ZNF236: variants seen among roughly 807,000 people sequenced by gnomAD.
ZNF236 encodes regulated by glucose.
A neutral mutation model predicts 191.2 loss-of-function variants in ZNF236; 50 were observed. The ratio of observed to expected loss-of-function variants is 0.26; its 90% confidence interval spans 0.21 to 0.33. ZNF236 has a LOEUF of 0.33. Among genes scored for constraint, ZNF236 ranks in the 10% least tolerant of loss-of-function variants. The pLI is 1.00. For synonymous variants in ZNF236, 907 were observed against 928.8 expected (o/e 0.98, Z 0.43); for missense variants, 1,754 against 2,374.5 (o/e 0.74, Z 5.43).
chr18:76,908,581 T>G lies in ZNF236; in HGVS notation c.2551+8T>G. The G allele has an allele frequency of 1.3e-6, 2 of 1,593,520 alleles. No individual in the cohort carries two copies. ...CCCTGGAAGCAGATGAAGGTAAATG[T>G]TTCAGGATATTTAACTTTGAGTGAT... On this transcript the variant is annotated splice_region_variant and intron_variant, in intron 14 of 30. Coordinates refer to ENST00000320610, the MANE Select transcript of ZNF236 (RefSeq NM_001306089.2).
At chr18:76,824,138 A>G in intron 1 of ZNF236, 1 of 591,596 alleles carries the variant, frequency 1.7e-6, no homozygotes, top group East Asian at 2.8e-5. Flanking sequence ...CAAACAACAC[A>G]GGTGCCCCAG....
chr18:76,836,053 G>A (rs932437889), intron 1 of ZNF236, among the ~76,000 whole-genome samples: 4 of 151,854 alleles, frequency 2.6e-5, no homozygotes, highest in Non-Finnish European at 4.4e-5. Context: ...GATTACAGGC[G>A]CCCACCACCA....
chr18:76,862,546 GTC>G (rs1251628800), intron 3 of ZNF236, among the ~76,000 whole-genome samples: 1 of 152,094 alleles, frequency 6.6e-6, no homozygotes, highest in Non-Finnish European at 1.5e-5. Context: ...TGTTGGCAGA[GTC>G]TATCTTTGGA....
At chr18:76,965,297 A>G (rs1968745407) in intron 30 of ZNF236, among the ~76,000 whole-genome samples, 1 of 151,750 alleles carries the variant, frequency 6.6e-6, no homozygotes, top group Non-Finnish European at 1.5e-5. Context: ...TTCTTATATC[A>G]TTTTTTTGAT....
rs367954628 is a variant in ZNF236 at position 76,915,705 on chromosome 18, C to T, written c.3120C>T (p.Leu1040=). ...CNASFTTNGS[L]TRHMATHMSM... is the part of the protein sequence containing the mutation. ...CTTCCTTCACCACCAATGGCAGCCT[C>T]ACCCGGCACATGGCCACACATATGA... is the stretch of plus-strand genomic sequence containing the variant. The change falls in exon 19 of 31, where the codon CTC becomes CTT. Residue 1040 remains leucine, a synonymous_variant. Coordinates refer to ENST00000320610, the MANE Select transcript of ZNF236 (RefSeq NM_001306089.2). 39 of 1,614,046 alleles carry T rather than the reference C, an allele frequency of 2.4e-5. No homozygotes were observed. The African/African-American group carries it at 4.0e-4, about 17-fold the overall frequency.
chr18:76,823,481 G>T (rs764337608), intron 1 of ZNF236, among the ~76,000 whole-genome samples: 1 of 151,620 alleles, frequency 6.6e-6, no homozygotes, highest in African/African-American at 2.4e-5. Context: ...AGCTTCTGGA[G>T]AGCGCTGTGG....
intron 1 of ZNF236, among the ~76,000 whole-genome samples, chr18:76,846,577 T>A (rs1162544361): frequency 6.6e-6 from 1 of 152,222 alleles, no homozygotes; most frequent in African/African-American, 2.4e-5. Flanking sequence ...AACTAAACCA[T>A]GTTGTTGTTT....
chr18:76,842,167 A>G (rs977342048), intron 1 of ZNF236, among the ~76,000 whole-genome samples: 1 of 152,170 alleles, frequency 6.6e-6, no homozygotes, highest in Admixed American at 6.5e-5. Context: ...TAGTTTTCTT[A>G]TCCACAAGGG....
chr18:76,947,861 A>C lies in ZNF236; in HGVS notation c.4914+209A>C, dbSNP rs1354090143. ...GGTACGATATCTCATTCGTTTTGTG[A>C]TTTGTTTCCTAGGGAGTGAGGTTTT... On this transcript the variant is annotated intron_variant, in intron 27 of 30. Coordinates refer to ENST00000320610, the MANE Select transcript of ZNF236 (RefSeq NM_001306089.2). Among the ~76,000 whole-genome samples, 3 of 151,814 alleles carry C rather than the reference A, an allele frequency of 2.0e-5. No homozygotes were observed. In the East Asian group the frequency reaches 5.8e-4, roughly 29 times the overall value.
chr18:76,931,738 TAATA>T (rs942523731), intron 25 of ZNF236, among the ~76,000 whole-genome samples: 1 of 152,242 alleles, frequency 6.6e-6, no homozygotes, highest in Non-Finnish European at 1.5e-5. Context: ...TGCACCAACG[TAATA>T]AATGAGCTCA....
At chr18:76,945,621 T>C (rs1415991079) in intron 26 of ZNF236, among the ~76,000 whole-genome samples, 1 of 152,192 alleles carries the variant, frequency 6.6e-6, no homozygotes, top group Non-Finnish European at 1.5e-5. Context: ...CCCCCATCTC[T>C]ACTGAGAATA....
At chr18:76,889,680 T>A (rs1362168758) in intron 9 of ZNF236, among the ~76,000 whole-genome samples, 1 of 152,178 alleles carries the variant, frequency 6.6e-6, no homozygotes, top group East Asian at 1.9e-4. Context: ...CAATAATAAG[T>A]GTTTAATGAA....
chr18:76,900,285 A>T (rs1048464591), intron 11 of ZNF236, among the ~76,000 whole-genome samples: 1 of 152,212 alleles, frequency 6.6e-6, no homozygotes, highest in Admixed American at 6.5e-5. Context: ...TTTAACATCA[A>T]AATATTTAAA....
chr18:76,940,462 G>A (rs1968110707), intron 26 of ZNF236, among the ~76,000 whole-genome samples: 1 of 152,348 alleles, frequency 6.6e-6, no homozygotes, highest in East Asian at 1.9e-4. Context: ...GGTCCCTGGT[G>A]TGTTTCTTAT....
chr18:76,914,716 T>G (rs180806794), intron 18 of ZNF236, among the ~76,000 whole-genome samples: 1 of 152,342 alleles, frequency 6.6e-6, no homozygotes, highest in Admixed American at 6.5e-5. Context: ...CATTTTAAAA[T>G]TGGATTATTT....
chr18:76,900,290 T>G (rs1977551493), intron 11 of ZNF236, among the ~76,000 whole-genome samples: 1 of 152,116 alleles, frequency 6.6e-6, no homozygotes, highest in African/African-American at 2.4e-5. Flanking sequence ...CATCAAAATA[T>G]TTAAACTAAA....
At chr18:76,947,952 A>C (rs1968305948) in intron 27 of ZNF236, among the ~76,000 whole-genome samples, 1 of 152,172 alleles carries the variant, frequency 6.6e-6, no homozygotes, top group Non-Finnish European at 1.5e-5. Context: ...TTAATATCTT[A>C]TTATATTTGC....
At chr18:76,963,192 A>G (rs963217633) in intron 30 of ZNF236, among the ~76,000 whole-genome samples, 12 of 151,924 alleles carry the variant, frequency 7.9e-5, no homozygotes, top group African/African-American at 2.9e-4. Context: ...TCATCATTCG[A>G]TATTATGTTG....
At chr18:76,844,023 C>A (rs1026844725) in intron 1 of ZNF236, among the ~76,000 whole-genome samples, 2 of 151,686 alleles carry the variant, frequency 1.3e-5, no homozygotes, top group East Asian at 3.9e-4. Context: ...GAGGCTGAGG[C>A]GGCGTCAGGA....
Sources: allele counts gnomAD v4.1 joint callset (sites outside exome capture counted in the v4.1 genomes callset), GRCh38; gene constraint gnomAD v4.1.1; transcripts MANE v1.5; gene names NCBI Gene and HGNC (gene_info 2026-07-23, HGNC 2026-07-21).